PIK3C2G: variants seen among roughly 807,000 people sequenced by gnomAD.
PIK3C2G encodes the protein phosphatidylinositol-4-phosphate 3-kinase catalytic subunit type 2 gamma, also known as phosphatidylinositol 3-kinase C2 domain-containing subunit gamma.
PIK3C2G carries 168 observed loss-of-function variants against 181.1 expected under a neutral mutation model. The ratio of observed to expected loss-of-function variants is 0.93; its 90% confidence interval spans 0.82 to 1.05. PIK3C2G has a LOEUF of 1.05. Ranked by LOEUF, PIK3C2G falls within the 50% of genes least tolerant of loss-of-function variation. The pLI is 0.00. For missense variants in PIK3C2G, 1,869 were observed against 1,732.8 expected (o/e 1.08, Z -1.40); for synonymous variants, 573 against 592.2 (o/e 0.97, Z 0.47).
intron 11 of PIK3C2G, among the ~76,000 whole-genome samples, chr12:18,351,278 G>A (rs1940191046): frequency 6.6e-6 from 1 of 151,906 alleles, no homozygotes; most frequent in Non-Finnish European, 1.5e-5. Context: ...TTCTTAAAGT[G>A]AAAAATATAG....
intron 18 of PIK3C2G, among the ~76,000 whole-genome samples, chr12:18,480,441 C>A (rs996675542): frequency 1.3e-5 from 2 of 151,984 alleles, no homozygotes; most frequent in Non-Finnish European, 2.9e-5. Context: ...TAGGCTGGAA[C>A]ATGTGAACAT....
chr12:18,378,180 C>A (rs1472926851), intron 13 of PIK3C2G, among the ~76,000 whole-genome samples: 1 of 152,166 alleles, frequency 6.6e-6, no homozygotes, highest in East Asian at 1.9e-4. Flanking sequence ...TCAAGACCAG[C>A]TTAGACCACT....
intron 24 of PIK3C2G, among the ~76,000 whole-genome samples, chr12:18,520,880 T>G (rs1224457015): frequency 6.6e-6 from 1 of 152,180 alleles, no homozygotes; most frequent in Non-Finnish European, 1.5e-5. Context: ...CGTGAGTTTG[T>G]CTAGTTTCGA....
chr12:18,692,872 C>T, the PIK3C2G span: 2 of 1,602,602 alleles, frequency 1.2e-6, no homozygotes, highest in Non-Finnish European at 1.7e-6. Flanking sequence ...GTACCAACTA[C>T]AGTGGGGAAA....
At chr12:18,661,376 A>AAG in the PIK3C2G span, among the ~76,000 whole-genome samples, 10 of 151,310 alleles carry the variant, frequency 6.6e-5, no homozygotes, top group African/African-American at 2.4e-4. Flanking sequence ...AATAAAAAAA[A>AAG]AGAGAGAGAG....
At chr12:18,603,829 T>A (rs1456153339) in intron 30 of PIK3C2G, among the ~76,000 whole-genome samples, 1 of 152,112 alleles carries the variant, frequency 6.6e-6, no homozygotes, top group African/African-American at 2.4e-5. Flanking sequence ...GCTGAGAGAA[T>A]TCACCATTAC....
intron 18 of PIK3C2G, among the ~76,000 whole-genome samples, chr12:18,433,857 C>G (rs548536125): frequency 2.6e-5 from 4 of 151,910 alleles, no homozygotes; most frequent in South Asian, 4.2e-4. Flanking sequence ...TAAAAATACA[C>G]AGTAAGCAGT....
At chr12:18,455,934 C>T (rs1406222639) in intron 18 of PIK3C2G, among the ~76,000 whole-genome samples, 1 of 152,114 alleles carries the variant, frequency 6.6e-6, no homozygotes, top group African/African-American at 2.4e-5. Context: ...TGCCTCCACT[C>T]ATAATCTGTC....
the PIK3C2G span, among the ~76,000 whole-genome samples, chr12:18,708,187 C>T: frequency 6.6e-6 from 1 of 152,286 alleles, no homozygotes; most frequent in South Asian, 2.1e-4. Flanking sequence ...CCCCACACCT[C>T]GTTCCTGTCA....
chr12:18,291,485 A>G (rs945702940), intron 4 of PIK3C2G, among the ~76,000 whole-genome samples: 1 of 151,954 alleles, frequency 6.6e-6, no homozygotes, highest in African/African-American at 2.4e-5. Flanking sequence ...AGAATTAGCA[A>G]ACCTACTGAT....
At chr12:18,406,611 G>C (rs55968912) in intron 16 of PIK3C2G, among the ~76,000 whole-genome samples, 15,550 of 152,100 alleles carry the variant, frequency 0.1, 1,141 homozygotes, top group Admixed American at 0.26. Context: ...GTGCTTACAA[G>C]GTGAAAGGAA....
chr12:18,401,045 T>A (rs1046180699), intron 16 of PIK3C2G, among the ~76,000 whole-genome samples: 1 of 152,106 alleles, frequency 6.6e-6, no homozygotes, highest in Non-Finnish European at 1.5e-5. Flanking sequence ...TGTGTTTATA[T>A]GCAACAGGTA....
chr12:18,371,180 G>T lies in PIK3C2G; in HGVS notation c.1749G>T (p.Thr583=), dbSNP rs1056319997. ...TGCTTCTTCTTTCTTTTATTCTCAG[G>T]ATCAATTTTCCCCTTGAAATAAAGT... ...LFFFLVNWNE[T]INFPLEIKSL... The change falls in exon 13 of 33, where the codon ACG becomes ACT. Residue 583 remains threonine, a splice_region_variant and synonymous_variant. Coordinates refer to ENST00000538779, the MANE Select transcript of PIK3C2G (RefSeq NM_001288772.2). The T allele has an allele frequency of 5.6e-6, 9 of 1,602,862 alleles. No homozygotes were observed. The African/African-American group carries it at 1.2e-4, about 21-fold the overall frequency.
chr12:18,599,677 TAAATAAAAAAAAATAA>T (rs11274797), intron 30 of PIK3C2G, among the ~76,000 whole-genome samples: 29,217 of 145,704 alleles, frequency 0.2, 2,830 homozygotes, highest in South Asian at 0.21. Flanking sequence ...TAAATAAATA[TAAATAAAAAAAAATAA>T]AAATAAAAAT....
At chr12:18,313,882 G>C in intron 5 of PIK3C2G, 80 bp from the exon 6 acceptor site, 1 of 771,102 alleles carries the variant, frequency 1.3e-6, no homozygotes, top group Non-Finnish European at 2.2e-6. Context: ...AAAAATAAAA[G>C]AAAATGAAGT....
At chr12:18,510,351 T>C (rs1010065907) in intron 24 of PIK3C2G, among the ~76,000 whole-genome samples, 2 of 152,222 alleles carry the variant, frequency 1.3e-5, no homozygotes, top group Non-Finnish European at 2.9e-5. Context: ...TCAATTCCAC[T>C]GTAACAATGA....
the PIK3C2G span, among the ~76,000 whole-genome samples, chr12:18,660,535 T>A: frequency 4.6e-5 from 7 of 151,998 alleles, no homozygotes; most frequent in Non-Finnish European, 1.5e-5. Context: ...AGCAACCACA[T>A]ATATAGAGGA....
chr12:18,396,547 A>G (rs980983446), intron 15 of PIK3C2G, among the ~76,000 whole-genome samples: 2 of 151,750 alleles, frequency 1.3e-5, no homozygotes, highest in African/African-American at 4.8e-5. Context: ...AAAAATTAAA[A>G]AGAAAGAAAT....
chr12:18,662,612 C>G, the PIK3C2G span, among the ~76,000 whole-genome samples: 2 of 152,032 alleles, frequency 1.3e-5, no homozygotes, highest in Non-Finnish European at 2.9e-5. Context: ...ATTTTGTTTT[C>G]TACATTATTT....
Sources: gnomAD v4.1 joint callset for allele counts (sites outside exome capture counted in the v4.1 genomes callset) on GRCh38, gnomAD v4.1.1 for gene constraint, MANE v1.5 for transcripts, NCBI Gene and HGNC (gene_info 2026-07-23, HGNC 2026-07-21) for gene names.